The following SLC22A23 variants were observed in gnomAD, a reference collection of about 807,000 sequenced individuals.
The protein encoded by SLC22A23 is ion transporter protein.
A neutral mutation model predicts 61.0 loss-of-function variants in SLC22A23; 26 were observed. The observed-to-expected ratio is 0.43, with a 90% CI of 0.31 to 0.59. The LOEUF is 0.59. SLC22A23 is among the 20% of genes least tolerant of loss of function. SLC22A23 has a pLI of 0.11. For synonymous variants in SLC22A23, 430 were observed against 413.9 expected, an observed-to-expected ratio of 1.04 and a Z score of -0.47; for missense variants, 796 against 934.7, an observed-to-expected ratio of 0.85 and a Z score of 1.94.
Position 3,329,801 on chromosome 6 carries a change from GC to G in SLC22A23, c.914-5800del, listed in dbSNP as rs1465386330. Among the ~76,000 whole-genome samples the G allele has an allele frequency of 5.3e-5, 8 of 152,192 alleles. No individual in the cohort carries two copies. The highest frequency in any genetic ancestry group is 1.9e-4 in the African/African-American group (8 of 41,456). On this transcript the variant is annotated intron_variant, in intron 3 of 9. Coordinates refer to ENST00000406686, the MANE Select transcript of SLC22A23 (RefSeq NM_015482.2). This position sits in a 1 kb window ranked among gnomAD's most constrained non-coding sequence, Gnocchi z 4.8. The stretch of plus-strand genomic sequence containing the variant: ...CACAGACATGAGGCCACCCTGCTAA[GC>G]TGCCCCGGGCACTCTGCAGGCCCAA...
intron 3 of SLC22A23, among the ~76,000 whole-genome samples, chr6:3,325,682 G>T (rs1763238584): frequency 6.6e-6 from 1 of 152,156 alleles, no homozygotes; most frequent in South Asian, 2.1e-4. Context: ...AGAAAAATAG[G>T]TCTTTTAAGA....
At chr6:3,331,532 A>T (rs984262491) in intron 3 of SLC22A23, among the ~76,000 whole-genome samples, 1 of 152,228 alleles carries the variant, frequency 6.6e-6, no homozygotes, top group African/African-American at 2.4e-5. Context: ...GGTTCTATAT[A>T]TTTATATGTG....
At chr6:3,319,296 A>C (rs950928424) in intron 4 of SLC22A23, among the ~76,000 whole-genome samples, 2 of 152,244 alleles carry the variant, frequency 1.3e-5, no homozygotes, top group Admixed American at 6.5e-5. Context: ...GCAGAAGCCA[A>C]CTTTTGCCTT....
chr6:3,439,462 G>GGATTTAGGGAAAAGGCACAGA, intron 1 of SLC22A23: 1 of 333,902 alleles, frequency 3.0e-6, no homozygotes, highest in African/African-American at 2.2e-5. Flanking sequence ...CCTACCTAAA[G>GGATTTAGGGAAAAGGCACAGA]TTCTGAACAG....
chr6:3,272,161 C>A lies in SLC22A23; in HGVS notation c.*894G>T, dbSNP rs1267740288. ...CTCTGCCATCTTTTTGAGTTATTTT[C>A]TAATGGTTTGTAGCTTAGAAAGTAG... On this transcript the variant is annotated 3_prime_UTR_variant, in exon 10 of 10. Transcript: ENST00000406686. The A allele has an allele frequency of 6.6e-6, 1 of 152,386 alleles. No individual in the cohort carries two copies. The highest frequency in any genetic ancestry group is 1.5e-5 in the Non-Finnish European group (1 of 68,066). The allele number at this position is 152,386 out of a possible 1,614,324, so 9.4% of individuals were successfully genotyped here.
In SLC22A23 at chr6:3,297,008, G is replaced by A. The variant is rs1430571204; in HGVS notation, c.1210+1083C>T. 4.6e-5 allele frequency among the ~76,000 whole-genome samples: 7 copies of A among 152,298 alleles called. No individual in the cohort carries two copies. The highest frequency in any genetic ancestry group is 2.1e-4 in the South Asian group (1 of 4,832). On this transcript the variant is annotated intron_variant, in intron 5 of 9. Transcript: ENST00000406686. The surrounding 1 kb of genome is among the most constrained non-coding windows in gnomAD (Gnocchi z 4.3). Reference sequence around the variant, plus strand: ...CCTGTGCCCCTGGAGCAAAGCTTCCGCAGCCACTCTGACTGTAGTCCCTCC... The same window carrying A: ...CCTGTGCCCCTGGAGCAAAGCTTCCACAGCCACTCTGACTGTAGTCCCTCC...
intron 1 of SLC22A23, among the ~76,000 whole-genome samples, chr6:3,439,910 C>T (rs528498336): frequency 2.6e-5 from 4 of 151,914 alleles, no homozygotes; most frequent in Non-Finnish European, 4.4e-5. Flanking sequence ...ATAAACAAAT[C>T]GGTGGGTGGA....
intron 3 of SLC22A23, among the ~76,000 whole-genome samples, chr6:3,347,272 T>TC (rs60879318): frequency 0.39 from 58,725 of 151,822 alleles, 12,774 homozygotes; most frequent in African/African-American, 0.59. Context: ...CATGCATCTG[T>TC]CCCCCCAACT....
intron 1 of SLC22A23, among the ~76,000 whole-genome samples, chr6:3,431,066 C>CAAAA (rs751754256): frequency 1.5e-5 from 2 of 129,454 alleles, no homozygotes; most frequent in African/African-American, 3.0e-5. Flanking sequence ...AACTCCGTCT[C>CAAAA]AAAAAAAAAA....
chr6:3,353,270 A>G (rs574004064), intron 3 of SLC22A23, among the ~76,000 whole-genome samples: 2 of 152,364 alleles, frequency 1.3e-5, no homozygotes, highest in African/African-American at 2.4e-5. Context: ...CTGGTTTTCC[A>G]GCATTTGAAC....
rs932874883 is a variant in SLC22A23, at chr6:3,372,287, A to G, written c.913+37901T>C. ...AAATCTTGTCCATCTAGTGTTTCAA[A>G]GTAGGGTATGAATGCAGTAACAGGT... On this transcript the variant is annotated intron_variant, in intron 3 of 9. Coordinates refer to ENST00000406686, the MANE Select transcript of SLC22A23 (RefSeq NM_015482.2). This position sits in a 1 kb window ranked among gnomAD's most constrained non-coding sequence, Gnocchi z 4.7. Among the ~76,000 whole-genome samples, 7 of 152,226 alleles carry G rather than the reference A, an allele frequency of 4.6e-5. No homozygotes were observed. Among genetic ancestry groups the G allele is most frequent in the African/African-American group, 1.7e-4 (7 of 41,458 alleles).
Position 3,360,584 on chromosome 6 carries a change from C to T in SLC22A23, c.914-36582G>A, listed in dbSNP as rs76714676. Among the ~76,000 whole-genome samples, 4,813 of 152,304 alleles carry T rather than the reference C, an allele frequency of 0.032. 249 individuals are homozygous for T. Among genetic ancestry groups the T allele is most frequent in the African/African-American group, 0.11 (4,538 of 41,552 alleles). ...TCACTTTGGGGCCTTTGCACACATC[C>T]GAGTCAACCTCAACAGTCTTAGTCC... On this transcript the variant is annotated intron_variant, in intron 3 of 9. Transcript: ENST00000406686. This position sits in a 1 kb window ranked among gnomAD's most constrained non-coding sequence, Gnocchi z 4.6.
At chr6:3,425,445 C>T (rs1770429586) in intron 1 of SLC22A23, among the ~76,000 whole-genome samples, 5 of 151,792 alleles carry the variant, frequency 3.3e-5, no homozygotes, top group South Asian at 2.1e-4. Flanking sequence ...CCACCACGCC[C>T]GGCTAATTTT....
chr6:3,307,600 C>T (rs868269564), intron 4 of SLC22A23, among the ~76,000 whole-genome samples: 6 of 152,224 alleles, frequency 3.9e-5, no homozygotes, highest in Non-Finnish European at 7.3e-5. Context: ...GCCCTGCTGG[C>T]GTCCAATATG....
intron 3 of SLC22A23, among the ~76,000 whole-genome samples, chr6:3,359,127 G>A (rs879283985): frequency 1.6e-4 from 24 of 151,898 alleles, no homozygotes; most frequent in African/African-American, 2.7e-4. Context: ...AGAACAACAC[G>A]GGCTGCATCC....
In SLC22A23 at chr6:3,441,927, G is replaced by A. The variant is rs140033756; in HGVS notation, c.654+13979C>T. Among the ~76,000 whole-genome samples the A allele has an allele frequency of 2.5e-3, 387 of 152,288 alleles. 5 individuals are homozygous for A. Among genetic ancestry groups the A allele is most frequent in the African/African-American group, 7.6e-3 (316 of 41,540 alleles). ...GCACTGCCTCTGAAGGGGAGGGCAC[G>A]GGAGGGATGGAGGGATTGTCCGGAA... is the stretch of plus-strand genomic sequence containing the variant. On this transcript the variant is annotated intron_variant, in intron 1 of 9. Transcript: ENST00000406686.
At chr6:3,373,769 G>T (rs1352293736) in intron 3 of SLC22A23, among the ~76,000 whole-genome samples, 2 of 152,140 alleles carry the variant, frequency 1.3e-5, no homozygotes, top group Non-Finnish European at 2.9e-5. Flanking sequence ...ACACACTCAG[G>T]GGACAGTGAC....
chr6:3,332,204 TCTGA>T (rs1763620306), intron 3 of SLC22A23, among the ~76,000 whole-genome samples: 1 of 152,198 alleles, frequency 6.6e-6, no homozygotes, highest in Non-Finnish European at 1.5e-5. Context: ...GGGAAGATGA[TCTGA>T]CTTTTATTTC....
intron 9 of SLC22A23, among the ~76,000 whole-genome samples, chr6:3,280,574 T>C (rs936566405): frequency 1.1e-4 from 16 of 144,148 alleles, no homozygotes; most frequent in African/African-American, 1.5e-4. Flanking sequence ...CGGCTCACTG[T>C]AAGCTCCGCC....
Sources: allele counts gnomAD v4.1 joint callset (sites outside exome capture counted in the v4.1 genomes callset), GRCh38; gene constraint gnomAD v4.1.1; non-coding constraint Gnocchi (gnomAD v3.1); transcripts MANE v1.5; gene names NCBI Gene and HGNC (gene_info 2026-07-23, HGNC 2026-07-21).